Variants in ARHGAP44 observed in about 807,000 individuals in gnomAD.
ARHGAP44 encodes Rho GTPase activating protein 44.
ARHGAP44 carries 43 observed loss-of-function variants against 106.8 expected under a neutral mutation model. That is an observed-to-expected ratio of 0.40 (90% confidence interval 0.32 to 0.52). The LOEUF is 0.52. ARHGAP44 is among the 20% of genes least tolerant of loss of function. The pLI is 0.48. For missense variants in ARHGAP44, 866 were observed against 1,050.5 expected (o/e 0.82, Z 2.43); for synonymous variants, 439 against 410.3 (o/e 1.07, Z -0.85).
At chr17:12,918,941 T>C (rs1598053214) in intron 5 of ARHGAP44, among the ~76,000 whole-genome samples, 2 of 152,152 alleles carry the variant, frequency 1.3e-5, no homozygotes, top group African/African-American at 4.8e-5. Flanking sequence ...GCCTGGCTGG[T>C]GTCCAGCAAA....
intron 20 of ARHGAP44, chr17:12,987,271 C>A: frequency 1.1e-6 from 1 of 873,076 alleles, no homozygotes; most frequent in Non-Finnish European, 1.7e-6. Context: ...CAGCTTCACT[C>A]TCCAGCCTTC....
chr17:12,904,522 T>C (rs570208147), intron 3 of ARHGAP44, among the ~76,000 whole-genome samples: 1 of 152,308 alleles, frequency 6.6e-6, no homozygotes, highest in South Asian at 2.1e-4. Flanking sequence ...CCTCTTAGAG[T>C]GACAGTTACA....
At chr17:12,889,000 CA>C (rs1404473722) in intron 1 of ARHGAP44, among the ~76,000 whole-genome samples, 3 of 152,118 alleles carry the variant, frequency 2.0e-5, no homozygotes, top group African/African-American at 7.2e-5. Flanking sequence ...TTCTTGTAGA[CA>C]CCATATTTTT....
chr17:12,966,025 C>G (rs1453223219), intron 16 of ARHGAP44, among the ~76,000 whole-genome samples: 1 of 152,072 alleles, frequency 6.6e-6, no homozygotes, highest in Non-Finnish European at 1.5e-5. Context: ...CATGGTGGCA[C>G]ACACCTATAG....
At chr17:12,953,698 G>A (rs546005585) in intron 13 of ARHGAP44, among the ~76,000 whole-genome samples, 3 of 152,304 alleles carry the variant, frequency 2.0e-5, no homozygotes, top group Non-Finnish European at 2.9e-5. Context: ...TTGTCATCAC[G>A]TGGATGAACC....
At chr17:12,793,009 G>A (rs565769904) in intron 1 of ARHGAP44, among the ~76,000 whole-genome samples, 3 of 152,212 alleles carry the variant, frequency 2.0e-5, no homozygotes, top group Admixed American at 6.5e-5. Context: ...ACTTCAATCC[G>A]TCCTTTGGGA....
At chr17:12,879,867 T>C (rs1403511761) in intron 1 of ARHGAP44, among the ~76,000 whole-genome samples, 1 of 151,926 alleles carries the variant, frequency 6.6e-6, no homozygotes, top group Non-Finnish European at 1.5e-5. Flanking sequence ...ACTGATAACA[T>C]ATGTAGTCAA....
chr17:12,906,994 A>G (rs890053724), intron 3 of ARHGAP44, among the ~76,000 whole-genome samples: 1 of 152,124 alleles, frequency 6.6e-6, no homozygotes, highest in Non-Finnish European at 1.5e-5. Context: ...GAAGAAGAAA[A>G]GAGAAAAGAA....
intron 16 of ARHGAP44, among the ~76,000 whole-genome samples, chr17:12,968,808 C>G (rs1431045758): frequency 6.8e-6 from 1 of 147,972 alleles, no homozygotes; most frequent in African/African-American, 2.5e-5. Flanking sequence ...CTCACACTGT[C>G]GCCCAGGTTG....
intron 12 of ARHGAP44, among the ~76,000 whole-genome samples, chr17:12,951,318 T>G (rs2038987328): frequency 6.6e-6 from 1 of 152,192 alleles, no homozygotes; most frequent in African/African-American, 2.4e-5. Flanking sequence ...AACAGGTATG[T>G]AACTACAGGT....
chr17:12,975,817 A>AAG (rs1491086814), intron 18 of ARHGAP44, among the ~76,000 whole-genome samples: 2 of 147,046 alleles, frequency 1.4e-5, no homozygotes, highest in African/African-American at 5.0e-5. Context: ...AAAAAAAAAA[A>AAG]GAAAAAAAGA....
At chr17:12,875,759 C>A (rs572086388) in intron 1 of ARHGAP44, among the ~76,000 whole-genome samples, 23 of 152,270 alleles carry the variant, frequency 1.5e-4, no homozygotes, top group African/African-American at 5.3e-4. Flanking sequence ...GCCTGGCCAA[C>A]ATGGTGAAAC....
chr17:12,882,542 C>G (rs1210371798), intron 1 of ARHGAP44, among the ~76,000 whole-genome samples: 1 of 152,024 alleles, frequency 6.6e-6, no homozygotes, highest in Non-Finnish European at 1.5e-5. Context: ...TTTATTTTCA[C>G]CCTCTCCCCA....
intron 1 of ARHGAP44, among the ~76,000 whole-genome samples, chr17:12,876,315 C>T (rs1020555403): frequency 2.0e-4 from 30 of 152,150 alleles, no homozygotes; most frequent in East Asian, 1.9e-4. Flanking sequence ...AAGGCTTTTG[C>T]GGGTACTCTT....
chr17:12,971,071 G>A (rs550872848), intron 16 of ARHGAP44, among the ~76,000 whole-genome samples: 1 of 152,316 alleles, frequency 6.6e-6, no homozygotes, highest in Admixed American at 6.5e-5. Context: ...CCTCTTATGA[G>A]AAAGTCATTT....
intron 1 of ARHGAP44, among the ~76,000 whole-genome samples, chr17:12,848,250 A>G (rs879743264): frequency 1.3e-5 from 2 of 152,202 alleles, no homozygotes; most frequent in Non-Finnish European, 2.9e-5. Flanking sequence ...TTTGTCTTAA[A>G]TATTAATAAT....
At chr17:12,956,842 G>C in intron 15 of ARHGAP44, 96 bp downstream of exon 15, 1 of 1,026,882 alleles carries the variant, frequency 9.7e-7, no homozygotes, top group Non-Finnish European at 1.5e-6. Context: ...CTGCCCACAG[G>C]CTTTTTTTTT....
At chr17:12,835,522 A>G (rs574604569) in intron 1 of ARHGAP44, among the ~76,000 whole-genome samples, 14 of 152,318 alleles carry the variant, frequency 9.2e-5, no homozygotes, top group African/African-American at 3.4e-4. Context: ...TAAAAAGATA[A>G]AATGAGTATT....
chr17:12,957,363 A>G (rs139892792), intron 15 of ARHGAP44, among the ~76,000 whole-genome samples: 4 of 152,208 alleles, frequency 2.6e-5, no homozygotes, highest in Non-Finnish European at 5.9e-5. Flanking sequence ...AGTTTCTTCA[A>G]ATCTGCAAAT....
Sources: allele counts gnomAD v4.1 joint callset (sites outside exome capture counted in the v4.1 genomes callset), GRCh38; gene constraint gnomAD v4.1.1; transcripts MANE v1.5; gene names NCBI Gene and HGNC (gene_info 2026-07-23, HGNC 2026-07-21).